The following TRIM67 variants were observed in gnomAD, a reference collection of about 807,000 sequenced individuals.
The protein encoded by TRIM67 is tripartite motif containing 67, also known as tripartite motif-containing protein 67.
A neutral mutation model predicts 71.0 loss-of-function variants in TRIM67; 39 were observed. The observed-to-expected ratio is 0.55, with a 90% CI of 0.43 to 0.72. The LOEUF is 0.72. Among genes scored for constraint, TRIM67 ranks in the 30% least tolerant of loss-of-function variants. The pLI is 0.00. For synonymous variants in TRIM67, 481 were observed against 473.9 expected (o/e 1.01, Z -0.19); for missense variants, 973 against 1,079.2 (o/e 0.90, Z 1.38).
chr1:231,220,710 TTTC>T lies in TRIM67; in HGVS notation c.*5271_*5273del, dbSNP rs1684121127. The T allele has an allele frequency of 6.6e-6, 1 of 152,300 alleles. No homozygotes were observed. The highest frequency in any genetic ancestry group is 1.5e-5 in the Non-Finnish European group (1 of 68,118). The allele number at this position is 152,300 out of a possible 1,614,324, so 9.4% of individuals were successfully genotyped here. ...TGCAGGTTGGGGGAGGCCCTGGCTT[TTTC>T]AATGATTGACGTTGACATCAGTCAG... On this transcript the variant is annotated 3_prime_UTR_variant, in exon 10 of 10. Coordinates refer to ENST00000366653, the MANE Select transcript of TRIM67 (RefSeq NM_001004342.5).
chr1:231,186,213 G>T, intron 1 of TRIM67: 8 of 1,481,136 alleles, frequency 5.4e-6, no homozygotes, highest in Non-Finnish European at 6.3e-6. Context: ...AGCCCAAAGG[G>T]CCAGAAGGAG....
In TRIM67 at chr1:231,216,648, A is replaced by T. The variant is rs1684021515; in HGVS notation, c.*1208A>T. ...GGCGGGATCTCTGGGGAAGGCAGGA[A>T]ATAGAAGGGCAGTATCAGGTACCTT... On this transcript the variant is annotated 3_prime_UTR_variant, in exon 10 of 10. Coordinates refer to ENST00000366653, the MANE Select transcript of TRIM67 (RefSeq NM_001004342.5). 2.2e-5 allele frequency: 22 copies of T among 985,446 alleles called. No homozygotes were observed. Among genetic ancestry groups the T allele is most frequent in the Non-Finnish European group, 2.5e-5 (21 of 830,012 alleles). 61.0% of individuals were successfully genotyped at this position (985,446 alleles called of 1,614,324 possible). A position where few individuals can be genotyped will look rare whatever the true frequency, so the allele number is the denominator to read the frequency against.
In TRIM67 at chr1:231,219,929, C is replaced by T; in HGVS notation, c.*4489C>T. ...TGTATTGATCAGACACCAAGTTCAG[C>T]CCTCGGTTACTTCCCTCTTTTAACC... On this transcript the variant is annotated 3_prime_UTR_variant, in exon 10 of 10. Transcript: ENST00000366653. The T allele has an allele frequency of 7.8e-7, 1 of 1,289,780 alleles. No homozygotes were observed. Among genetic ancestry groups the T allele is most frequent in the Non-Finnish European group, 1.0e-6 (1 of 988,870 alleles). 79.9% of individuals were successfully genotyped at this position (1,289,780 alleles called of 1,614,324 possible).
chr1:231,181,839 C>A (rs1015560744), intron 1 of TRIM67, among the ~76,000 whole-genome samples: 2 of 152,164 alleles, frequency 1.3e-5, no homozygotes, highest in African/African-American at 4.8e-5. Flanking sequence ...AACTTCTTTT[C>A]TCTATTCTGA....
At chr1:231,169,368 CTTTTTTT>C (rs775082418) in intron 1 of TRIM67, among the ~76,000 whole-genome samples, 11 of 81,664 alleles carry the variant, frequency 1.3e-4, no homozygotes, top group African/African-American at 4.2e-4. Context: ...ATTCTTTTCT[CTTTTTTT>C]TTTTTTTTTT....
At chr1:231,200,004 A>G in intron 3 of TRIM67, 144 bp from the exon 4 acceptor site, 2 of 622,808 alleles carry the variant, frequency 3.2e-6, no homozygotes, top group Non-Finnish European at 2.9e-6. Flanking sequence ...TTAGCAGCAG[A>G]GCTGAGAGAG....
chr1:231,197,697 T>G (rs973924283), intron 2 of TRIM67, among the ~76,000 whole-genome samples: 2 of 152,164 alleles, frequency 1.3e-5, no homozygotes, highest in African/African-American at 4.8e-5. Context: ...TGGTGGCGCA[T>G]GCCTGTAATC....
chr1:231,171,870 G>A (rs947404868), intron 1 of TRIM67, among the ~76,000 whole-genome samples: 3 of 152,166 alleles, frequency 2.0e-5, no homozygotes, highest in African/African-American at 4.8e-5. Context: ...AGAGGCGGGC[G>A]AATTGCTTGA....
intron 1 of TRIM67, among the ~76,000 whole-genome samples, chr1:231,177,468 C>T (rs1558292971): frequency 6.6e-6 from 1 of 152,190 alleles, no homozygotes; most frequent in Non-Finnish European, 1.5e-5. Context: ...GAAGTCTGGT[C>T]CTGGGGCTTC....
intron 1 of TRIM67, among the ~76,000 whole-genome samples, chr1:231,169,993 CT>C (rs369558747): frequency 1.8e-4 from 24 of 136,070 alleles, no homozygotes; most frequent in Admixed American, 2.1e-4. Flanking sequence ...TTCTTTCTCT[CT>C]TTTTTTTTTG....
At chr1:231,205,152 T>C (rs1258299840) in intron 6 of TRIM67, among the ~76,000 whole-genome samples, 1 of 152,188 alleles carries the variant, frequency 6.6e-6, no homozygotes, top group Non-Finnish European at 1.5e-5. Context: ...AGCTTAAAAA[T>C]GGTCCCTCCT....
At position 231,174,290 on chromosome 1, in the gene TRIM67, C is replaced by T. The variant is rs79612839; in HGVS notation, c.1044+10277C>T. Among the ~76,000 whole-genome samples the T allele has an allele frequency of 4.7e-4, 71 of 151,726 alleles. 5 individuals are homozygous for T. In the East Asian group the frequency reaches 0.014, roughly 29 times the overall value. ...CCTCCTGCCTCAGCCTTCCAAGTAGCTAGGACTAGAGGCACATGCCATCAT... is the reference window on the plus strand; with the variant it reads ...CCTCCTGCCTCAGCCTTCCAAGTAGTTAGGACTAGAGGCACATGCCATCAT... On this transcript the variant is annotated intron_variant, in intron 1 of 9. Transcript: ENST00000366653.
At position 231,220,064 on chromosome 1, in the gene TRIM67, T is replaced by G; in HGVS notation, c.*4624T>G. 5 of 800,774 alleles carry G rather than the reference T, an allele frequency of 6.2e-6. No individual in the cohort carries two copies. Among genetic ancestry groups the G allele is most frequent in the Non-Finnish European group, 5.5e-6 (3 of 544,680 alleles). 49.6% of individuals were successfully genotyped at this position (800,774 alleles called of 1,614,324 possible). On this transcript the variant is annotated 3_prime_UTR_variant, in exon 10 of 10. Coordinates refer to ENST00000366653, the MANE Select transcript of TRIM67 (RefSeq NM_001004342.5). ...AGTCATACTAACCTACCTCCTCTGA[T>G]GTATTGTGAGGATTATACAATAACA...
chr1:231,203,527 G>A (rs999121035), intron 5 of TRIM67, among the ~76,000 whole-genome samples: 1 of 152,312 alleles, frequency 6.6e-6, no homozygotes, highest in Non-Finnish European at 1.5e-5. Flanking sequence ...TCATGAGTCT[G>A]AGTCAAAACC....
rs951921247 is a variant in TRIM67, at chr1:231,200,251, T to C, written c.1367T>C (p.Phe456Ser). 6.2e-7 allele frequency: 1 copy of C among 1,610,784 alleles called. No individual in the cohort carries two copies. The highest frequency in any genetic ancestry group is 1.3e-5 in the African/African-American group (1 of 74,860). The part of the protein sequence containing the change: ...EVIKENDPSG[F>S]LQISDALIKR... Reference sequence around the variant, plus strand: ...ATCAAGGAGAACGACCCCTCCGGGTTCTTACAGGTGAGCCTGTCCCTGGAA... The same window carrying C: ...ATCAAGGAGAACGACCCCTCCGGGTCCTTACAGGTGAGCCTGTCCCTGGAA... Residue 456 changes from phenylalanine to serine, a missense_variant, in exon 4 of 10, where the codon TTC becomes TCC. Around this residue, in one of 2 missense-constraint regions of TRIM67, gnomAD observed 795 missense variants for 831.3 expected, o/e 0.96. Coordinates refer to ENST00000366653, the MANE Select transcript of TRIM67 (RefSeq NM_001004342.5).
In TRIM67 at chr1:231,216,980, A is replaced by C. The variant is rs535744321; in HGVS notation, c.*1540A>C. The C allele has an allele frequency of 3.0e-6, 3 of 985,844 alleles. No homozygotes were observed. The highest frequency in any genetic ancestry group is 2.3e-4 in the East Asian group (2 of 8,818). 61.1% of individuals were successfully genotyped at this position (985,844 alleles called of 1,614,324 possible). On this transcript the variant is annotated 3_prime_UTR_variant, in exon 10 of 10. Transcript: ENST00000366653. ...TTCTGAGGCTGAGAAGTGACTTGTC[A>C]ATTTGCTGGACTGGATTTTTATAAA...
intron 2 of TRIM67, among the ~76,000 whole-genome samples, 187 bp downstream of exon 2, chr1:231,197,653 C>T (rs914385310): frequency 6.6e-6 from 1 of 152,118 alleles, no homozygotes; most frequent in East Asian, 1.9e-4. Flanking sequence ...TGGAGAAACC[C>T]GTCTCTACTA....
chr1:231,214,059 T>A, intron 9 of TRIM67, 82 bp downstream of exon 9: 1 of 1,439,058 alleles, frequency 6.9e-7, no homozygotes, highest in Non-Finnish European at 9.2e-7. Context: ...TTGGGCAGAG[T>A]GGGCCATAAA....
chr1:231,195,346 C>T (rs1683338658), intron 1 of TRIM67, among the ~76,000 whole-genome samples: 1 of 152,212 alleles, frequency 6.6e-6, no homozygotes, highest in African/African-American at 2.4e-5. Flanking sequence ...TGCTCAGTAC[C>T]CACAGGCAGC....
Sources: allele counts gnomAD v4.1 joint callset (sites outside exome capture counted in the v4.1 genomes callset), GRCh38; gene constraint gnomAD v4.1.1; regional missense constraint gnomAD v4.1.1; transcripts MANE v1.5; gene names NCBI Gene and HGNC (gene_info 2026-07-23, HGNC 2026-07-21).